CYP21A2: variants seen among roughly 807,000 people sequenced by gnomAD.
CYP21A2 encodes the protein cytochrome P450 family 21 subfamily A member 2, also known as steroid 21-hydroxylase.
CYP21A2 carries 24 observed loss-of-function variants against 47.4 expected under a neutral mutation model. That is an observed-to-expected ratio of 0.51 (90% CI 0.37 to 0.71). The LOEUF (loss-of-function observed/expected upper bound fraction) is 0.71, where lower values mean the gene tolerates loss of function less well. CYP21A2 is among the 30% of genes least tolerant of loss of function. The pLI is 0.00. For synonymous variants in CYP21A2, 130 were observed against 273.9 expected (o/e 0.47, Z 5.19); for missense variants, 358 against 643.2 (o/e 0.56, Z 4.80).
chr6:32,038,985 G>T (rs182129909), intron 2 of CYP21A2, 109 bp from the exon 3 acceptor site: 22 of 1,488,372 alleles, frequency 1.5e-5, no homozygotes, highest in Admixed American at 2.2e-5. Context: ...GAAGCTCTTG[G>T]GGGGGCATAT....
chr6:32,040,110 G>T lies in CYP21A2; in HGVS notation c.844G>T (p.Val282Leu), dbSNP rs6471. Reference sequence around the variant, plus strand: ...CTCTGGACAGCTCCTGGAAGGGCACGTGCACATGGCTGCAGTGGACCTCCT... The same window carrying T: ...CTCTGGACAGCTCCTGGAAGGGCACTTGCACATGGCTGCAGTGGACCTCCT... ...EGSGQLLEGH[V>L]HMAAVDLLIG... Residue 282 changes from valine (V) to leucine (L), a missense_variant, in exon 7 of 10, where the codon GTG becomes TTG. Val to Leu is a conservative substitution (Grantham distance 32). Transcript: ENST00000644719. 5.0e-3 allele frequency: 7,976 copies of T among 1,595,168 alleles called. 20 individuals carry two copies. Among genetic ancestry groups the T allele is most frequent in the Admixed American group, 0.018 (1,076 of 59,258 alleles).
At chr6:32,039,909 G>A (rs1776159209) in intron 6 of CYP21A2, 74 bp downstream of exon 6, 1 of 1,604,912 alleles carries the variant, frequency 6.2e-7, no homozygotes, top group Non-Finnish European at 8.5e-7. Flanking sequence ...TTGCTATGAG[G>A]CGGGTTCTTT....
Position 32,041,120 on chromosome 6 carries a change from G to A in CYP21A2, c.1474G>A (p.Gly492Ser), listed in dbSNP as rs753450017. ...QPRGMGAHSP[G>S]QSQ ...CCGGGGGATGGGGGCCCACAGCCCGGGCCAGAGCCAGTGATGGGGCAGGAC... is the reference window on the plus strand; with the variant it reads ...CCGGGGGATGGGGGCCCACAGCCCGAGCCAGAGCCAGTGATGGGGCAGGAC... The change falls in exon 10 of 10, where the codon GGC (glycine) becomes AGC (serine). Residue 492 changes from glycine (G) to serine (S), a missense_variant. Coordinates refer to ENST00000644719, the MANE Select transcript of CYP21A2 (RefSeq NM_000500.9). 8.1e-6 allele frequency: 13 copies of A among 1,599,782 alleles called. No individual in the cohort carries two copies. The highest frequency in any genetic ancestry group is 1.1e-5 in the Non-Finnish European group (13 of 1,175,150).
Position 32,039,589 on chromosome 6 carries a change from T to C in CYP21A2, c.593T>C (p.Val198Ala). 1 of 1,577,212 alleles carries C rather than the reference T, an allele frequency of 6.3e-7. No individual in the cohort carries two copies. The highest frequency in any genetic ancestry group is 8.6e-7 in the Non-Finnish European group (1 of 1,159,794). Residue 198 changes from valine (V) to alanine (A), a missense_variant, in exon 5 of 10, where the codon GTG (valine) becomes GCG (alanine). Val to Ala is a moderately conservative substitution (Grantham distance 64). Transcript: ENST00000644719. ...GCCTATTACAAATGTATCCAGGAGG[T>C]GTTAAAAACCTGGAGCCACTGGTCC... ...MPAYYKCIQE[V>A]LKTWSHWSIQ...
Position 32,041,544 on chromosome 6 carries a change from C to A in CYP21A2, c.*410C>A, listed in dbSNP as rs2151878738. ...GAGGTAGCTCCCAGCACTCAACCAA[C>A]CTCCCCGCAGAGCTCCCTTCCTGAC... On this transcript the variant is annotated 3_prime_UTR_variant, in exon 10 of 10. Coordinates refer to ENST00000644719, the MANE Select transcript of CYP21A2 (RefSeq NM_000500.9). 4.6e-6 allele frequency: 5 copies of A among 1,094,448 alleles called. No homozygotes were observed. The highest frequency in any genetic ancestry group is 4.1e-6 in the Non-Finnish European group (3 of 738,036). The allele number at this position is 1,094,448 out of a possible 1,614,324, so 67.8% of individuals were successfully genotyped here.
chr6:32,039,310 T>C, intron 3 of CYP21A2, 46 bp from the exon 4 acceptor site: 1 of 1,583,094 alleles, frequency 6.3e-7, no homozygotes, highest in Non-Finnish European at 8.6e-7. Context: ...GCCCCCGCCC[T>C]GCCCGCTGCA....
chr6:32,038,845 A>G lies in CYP21A2; in HGVS notation c.292+34A>G, dbSNP rs1353476955. 2.0e-6 allele frequency: 3 copies of G among 1,466,888 alleles called. 1 individual carries two copies. In the East Asian group the frequency reaches 6.9e-5, roughly 34 times the overall value. The allele number at this position is 1,466,888 out of a possible 1,614,324, so 90.9% of individuals were successfully genotyped here. The stretch of plus-strand genomic sequence containing the variant: ...CGGGGGCATTTTTTCTTTCTTAAAA[A>G]AATTTTTTTTTAAGAGATGGGTTCT... On this transcript the variant is annotated intron_variant, in intron 2 of 9. Transcript: ENST00000644719.
chr6:32,040,540 C>G lies in CYP21A2; in HGVS notation c.1074C>G (p.Pro358=), dbSNP rs759899014. The part of the protein sequence containing the change: ...ATIAEVLRLR[P]VVPLALPHRT... ...TCGCCGAGGTGCTGCGCCTGCGGCC[C>G]GTTGTGCCCTTAGCCTTGCCCCACC... Residue 358 remains proline (P), a synonymous_variant, in exon 8 of 10, where the codon CCC becomes CCG. Coordinates refer to ENST00000644719, the MANE Select transcript of CYP21A2 (RefSeq NM_000500.9). 16 of 1,613,546 alleles carry G rather than the reference C, an allele frequency of 9.9e-6. No homozygotes were observed. The Admixed American group carries it at 2.7e-4, about 27-fold the overall frequency.
chr6:32,041,482 G>C lies in CYP21A2; in HGVS notation c.*348G>C. On this transcript the variant is annotated 3_prime_UTR_variant, in exon 10 of 10. Transcript: ENST00000644719. ...AAGGGGTTGTCAAGAGAGAGTCAAA[G>C]CCGGATGTCCCATCTGCTCTTCCCG... 1 of 1,144,320 alleles carries C rather than the reference G, an allele frequency of 8.7e-7. No individual in the cohort carries two copies. The highest frequency in any genetic ancestry group is 1.3e-6 in the Non-Finnish European group (1 of 781,854). The allele number at this position is 1,144,320 out of a possible 1,614,324, so 70.9% of individuals were successfully genotyped here.
intron 7 of CYP21A2, 98 bp from the exon 8 acceptor site, chr6:32,040,308 C>G: frequency 1.2e-6 from 2 of 1,611,424 alleles, no homozygotes; most frequent in Non-Finnish European, 1.7e-6. Context: ...GCTGTGCTTG[C>G]CTCACCGGCA....
rs1320069530 is a variant in CYP21A2 at position 32,040,022 on chromosome 6, C to A, written c.756C>A (p.Gly252=). 1 of 1,611,876 alleles carries A rather than the reference C, an allele frequency of 6.2e-7. No homozygotes were observed. Among genetic ancestry groups the A allele is most frequent in the Non-Finnish European group, 8.5e-7 (1 of 1,179,468 alleles). The change falls in exon 7 of 10, where the codon GGC becomes GGA. Residue 252 remains glycine, a synonymous_variant. Transcript: ENST00000644719. Reference sequence around the variant, plus strand: ...CTCTGCAGGAGAGCCTCGTGGCAGGCCAGTGGAGGGACATGATGGACTACA... The same window carrying A: ...CTCTGCAGGAGAGCCTCGTGGCAGGACAGTGGAGGGACATGATGGACTACA... ...LRQHKESLVA[G]QWRDMMDYML...
rs1308059877 is a variant in CYP21A2, at chr6:32,041,578, G to A, written c.*444G>A. On this transcript the variant is annotated 3_prime_UTR_variant, in exon 10 of 10. Coordinates refer to ENST00000644719, the MANE Select transcript of CYP21A2 (RefSeq NM_000500.9). ...AGAGCTCCCTTCCTGACCCTCCGCT[G>A]CAGAGGATTGAGGCTTAATTCTGAG... 3.8e-5 allele frequency: 40 copies of A among 1,057,844 alleles called. 1 individual carries two copies. In the East Asian group the frequency reaches 1.0e-3, roughly 27 times the overall value. The allele number at this position is 1,057,844 out of a possible 1,614,324, so 65.5% of individuals were successfully genotyped here. A position where few individuals can be genotyped will look rare whatever the true frequency, so the allele number is the denominator to read the frequency against.
In CYP21A2 at chr6:32,038,554, C is replaced by A; in HGVS notation, c.132C>A (p.Asp44Glu). Reference sequence around the variant, plus strand: ...GCTTCTTGCACCTGCTGCAGCCCGACCTCCCCATCTATCTGCTTGGCCTGA... The same window carrying A: ...GCTTCTTGCACCTGCTGCAGCCCGAACTCCCCATCTATCTGCTTGGCCTGA... The part of the protein sequence containing the change: ...APGFLHLLQP[D>E]LPIYLLGLTQ... Residue 44 changes from aspartate to glutamate, a missense_variant, in exon 1 of 10, where the codon GAC becomes GAA. Coordinates refer to ENST00000644719, the MANE Select transcript of CYP21A2 (RefSeq NM_000500.9). 1.2e-6 allele frequency: 2 copies of A among 1,602,576 alleles called. No homozygotes were observed. Among genetic ancestry groups the A allele is most frequent in the Non-Finnish European group, 1.7e-6 (2 of 1,174,176 alleles).
intron 2 of CYP21A2, 120 bp downstream of exon 2, chr6:32,038,931 T>G (rs1268089064): frequency 4.9e-6 from 7 of 1,437,074 alleles, no homozygotes; most frequent in Non-Finnish European, 6.7e-6. Context: ...CACCTCAGCC[T>G]CAAGTGTGAG....
rs763630327 is a variant in CYP21A2 at position 32,041,360 on chromosome 6, C to G, written c.*226C>G. The G allele has an allele frequency of 1.0e-6, 1 of 975,608 alleles. No individual in the cohort carries two copies. The highest frequency in any genetic ancestry group is 1.6e-6 in the Non-Finnish European group (1 of 624,214). 60.4% of individuals were successfully genotyped at this position (975,608 alleles called of 1,614,324 possible). A position where few individuals can be genotyped will look rare whatever the true frequency, so the allele number is the denominator to read the frequency against. The stretch of plus-strand genomic sequence containing the variant: ...AGGTGGGCAGCAGCTCAGCCTCCCC[C>G]CGCTGGGGAGCGAAAGTTTCTTGGT... On this transcript the variant is annotated 3_prime_UTR_variant, in exon 10 of 10. Transcript: ENST00000644719.
At position 32,040,389 on chromosome 6, in the gene CYP21A2, A is replaced by G. The variant is rs1230305043; in HGVS notation, c.940-17A>G. 6.2e-7 allele frequency: 1 copy of G among 1,612,602 alleles called. No homozygotes were observed. The highest frequency in any genetic ancestry group is 1.1e-5 in the South Asian group (1 of 91,060). On this transcript the variant is annotated splice_polypyrimidine_tract_variant and intron_variant, in intron 7 of 9. Transcript: ENST00000644719. ...CTGTGGGCTGCTGGGGCAGGACTCC[A>G]CCCGATCATTCCCCAGATTCAGCAG...
rs1258749689 is a variant in CYP21A2 at position 32,039,123 on chromosome 6, C to T, written c.322C>T (p.Leu108=). Reference sequence around the variant, plus strand: ...GCTGGTGTCTAGGAACTACCCGGACCTGTCCTTGGGAGACTACTCCCTGCT... The same window carrying T: ...GCTGGTGTCTAGGAACTACCCGGACTTGTCCTTGGGAGACTACTCCCTGCT... ...YKLVSRNYPD[L]SLGDYSLLWK... Residue 108 remains leucine, a synonymous_variant, in exon 3 of 10, where the codon CTG becomes TTG. Transcript: ENST00000644719. The T allele has an allele frequency of 6.2e-7, 1 of 1,611,118 alleles. No individual in the cohort carries two copies. Among genetic ancestry groups the T allele is most frequent in the Non-Finnish European group, 8.5e-7 (1 of 1,178,726 alleles).
rs764955614 is a variant in CYP21A2 at position 32,040,224 on chromosome 6, C to A, written c.939+19C>A. On this transcript the variant is annotated intron_variant, in intron 7 of 9. Coordinates refer to ENST00000644719, the MANE Select transcript of CYP21A2 (RefSeq NM_000500.9). ...CCCTGAGGTGCGTCCTGGGGACAAGCAAAAGGCTCCTTCCCAGCAACCTGG... is the reference window on the plus strand; with the variant it reads ...CCCTGAGGTGCGTCCTGGGGACAAGAAAAAGGCTCCTTCCCAGCAACCTGG... 1.9e-5 allele frequency: 30 copies of A among 1,612,686 alleles called. No individual in the cohort carries two copies. The highest frequency in any genetic ancestry group is 2.2e-5 in the East Asian group (1 of 44,874).
chr6:32,039,951 CTG>C (rs1423829863), intron 6 of CYP21A2, 52 bp from the exon 7 acceptor site: 1 of 1,610,704 alleles, frequency 6.2e-7, no homozygotes, highest in Non-Finnish European at 8.5e-7. Context: ...TGTTGCCACT[CTG>C]TACTCCTCTC....
Sources: allele counts gnomAD v4.1 joint callset, GRCh38; gene constraint gnomAD v4.1.1; transcripts MANE v1.5; gene names NCBI Gene and HGNC (gene_info 2026-07-23, HGNC 2026-07-21).